The following ZNF827 variants were observed in gnomAD, a reference collection of about 807,000 sequenced individuals.
ZNF827 encodes zinc finger protein 827.
A neutral mutation model predicts 102.4 loss-of-function variants in ZNF827; 13 were observed. The ratio of observed to expected loss-of-function variants is 0.13; its 90% CI spans 0.08 to 0.20. The LOEUF (loss-of-function observed/expected upper bound fraction) is 0.20, where lower values mean the gene tolerates loss of function less well. Among genes scored for constraint, ZNF827 ranks in the 10% least tolerant of loss-of-function variants. The pLI is 1.00. For synonymous variants in ZNF827, 523 were observed against 536.2 expected (o/e 0.98, Z 0.34); for missense variants, 1,103 against 1,344.4 (o/e 0.82, Z 2.81).
chr4:145,822,306 C>T (rs564984448), intron 8 of ZNF827, among the ~76,000 whole-genome samples: 7 of 152,174 alleles, frequency 4.6e-5, no homozygotes, highest in Non-Finnish European at 8.8e-5. Context: ...CCTTATGAGA[C>T]TCAAGAATGA....
At chr4:145,776,919 G>A (rs1037376934) in intron 9 of ZNF827, among the ~76,000 whole-genome samples, 29 of 152,186 alleles carry the variant, frequency 1.9e-4, no homozygotes, top group Admixed American at 1.5e-3. Context: ...TTCTGAATTC[G>A]TTTGATTAAT....
intron 11 of ZNF827, among the ~76,000 whole-genome samples, chr4:145,768,916 T>TATATATATATATATATATATATATAA (rs34051922): frequency 1.2e-4 from 4 of 34,416 alleles, no homozygotes; most frequent in African/African-American, 3.1e-4. Flanking sequence ...TATATATATA[T>TATATATATATATATATATATATATAA]TAGGTATACA....
intron 9 of ZNF827, 98 bp from the exon 10 acceptor site, chr4:145,776,058 T>C (rs1737037574): frequency 7.3e-7 from 1 of 1,367,844 alleles, no homozygotes; most frequent in Non-Finnish European, 1.0e-6. Flanking sequence ...GAAAGAATGG[T>C]TCAAGTCATA....
In ZNF827 at chr4:145,902,236, TGGTGGTGGA is replaced by T. The variant is rs768993467; in HGVS notation, c.1014_1022del (p.Pro341_Pro343del). On this transcript the variant is annotated inframe_deletion, in exon 2 of 15. Coordinates refer to ENST00000508784, the MANE Select transcript of ZNF827 (RefSeq NM_001306215.2). This position sits in a 1 kb window ranked among gnomAD's most constrained non-coding sequence, Gnocchi z 4.3. ...ATAATAATTCCAGGGATTGTGGTGG[TGGTGGTGGA>T]GGTGGTGGAGGTGGCGGTGGAGGTG... 4.3e-5 allele frequency: 68 copies of T among 1,576,496 alleles called. No homozygotes were observed. Among genetic ancestry groups the T allele is most frequent in the Admixed American group, 2.8e-4 (16 of 57,888 alleles).
chr4:145,934,800 A>G (rs1330899506), intron 1 of ZNF827, among the ~76,000 whole-genome samples: 1 of 152,238 alleles, frequency 6.6e-6, no homozygotes, highest in Non-Finnish European at 1.5e-5. Context: ...GCAATGCTTT[A>G]TGCTGTAGAA....
chr4:145,838,314 G>A (rs1322505370), intron 7 of ZNF827, among the ~76,000 whole-genome samples: 1 of 151,878 alleles, frequency 6.6e-6, no homozygotes, highest in Non-Finnish European at 1.5e-5. Flanking sequence ...CCCCACTCCT[G>A]CCCGCCAGAG....
intron 1 of ZNF827, among the ~76,000 whole-genome samples, chr4:145,905,469 G>A (rs2126901453): frequency 6.6e-6 from 1 of 152,152 alleles, no homozygotes; most frequent in East Asian, 1.9e-4. Context: ...GGAATTTGCT[G>A]GGAAAAAAAG....
rs530902362 is a variant in ZNF827 at position 145,937,186 on chromosome 4, C to A, written c.43+1179G>T. 3.9e-5 allele frequency among the ~76,000 whole-genome samples: 6 copies of A among 151,908 alleles called. No individual in the cohort carries two copies. The South Asian group carries it at 1.0e-3, about 26-fold the overall frequency. ...GGAGTGGGGGAAAAGTTAAGAGTCG[C>A]GCAAAGAAAAGCCGGAGGGAGGGCG... On this transcript the variant is annotated intron_variant, in intron 1 of 14. Transcript: ENST00000508784.
chr4:145,873,545 G>C (rs796829901), intron 4 of ZNF827, among the ~76,000 whole-genome samples: 2 of 152,310 alleles, frequency 1.3e-5, no homozygotes, highest in African/African-American at 4.8e-5. Flanking sequence ...TTGAACTAGA[G>C]CATTACTAAA....
chr4:145,792,620 C>T (rs1433054695), intron 8 of ZNF827, among the ~76,000 whole-genome samples: 1 of 152,038 alleles, frequency 6.6e-6, no homozygotes, highest in African/African-American at 2.4e-5. Context: ...CCTCGAATTC[C>T]TGGGCTCGAG....
chr4:145,918,930 G>A (rs918171557), intron 1 of ZNF827, among the ~76,000 whole-genome samples: 1 of 152,144 alleles, frequency 6.6e-6, no homozygotes, highest in Non-Finnish European at 1.5e-5. Context: ...TCTTACTGGG[G>A]ACTAAGTGTC....
At chr4:145,908,377 C>T (rs142028855) in intron 1 of ZNF827, among the ~76,000 whole-genome samples, 135 of 152,296 alleles carry the variant, frequency 8.9e-4, no homozygotes, top group African/African-American at 3.2e-3. Flanking sequence ...TCACGGTCAA[C>T]TCTCTAACAA....
intron 1 of ZNF827, among the ~76,000 whole-genome samples, chr4:145,911,901 T>C (rs1391503284): frequency 6.6e-6 from 1 of 152,228 alleles, no homozygotes; most frequent in Non-Finnish European, 1.5e-5. Context: ...GGAGCTATGA[T>C]AGATGTTTTC....
intron 1 of ZNF827, 125 bp from the exon 2 acceptor site, chr4:145,903,340 C>T: frequency 6.9e-7 from 1 of 1,439,478 alleles, no homozygotes; most frequent in Non-Finnish European, 9.1e-7. Context: ...TGAAAGGTGG[C>T]AACAGCCTTA....
chr4:145,848,471 C>A (rs1206516307), intron 6 of ZNF827, among the ~76,000 whole-genome samples: 1 of 152,134 alleles, frequency 6.6e-6, no homozygotes, highest in East Asian at 1.9e-4. Flanking sequence ...AATGTGTTAT[C>A]CATAACAAAA....
rs186239486 is a variant in ZNF827, at chr4:145,826,935, T to C, written c.2280-3410A>G. On this transcript the variant is annotated intron_variant, in intron 7 of 14. Transcript: ENST00000508784. ...CTAATTTTTGTATTCTTAGTAGAGA[T>C]GGGATTTTGCCTTGTTGGCCAGGCT... 7.1e-3 allele frequency among the ~76,000 whole-genome samples: 1,074 copies of C among 152,160 alleles called. 28 individuals carry two copies. The highest frequency in any genetic ancestry group is 0.042 in the Admixed American group (646 of 15,270).
At chr4:145,874,091 T>G (rs1421150477) in intron 4 of ZNF827, among the ~76,000 whole-genome samples, 4 of 151,982 alleles carry the variant, frequency 2.6e-5, no homozygotes, top group Non-Finnish European at 5.9e-5. Flanking sequence ...AGATGCTTCC[T>G]GCACATGTAA....
chr4:145,855,123 A>C (rs951414074), intron 5 of ZNF827, among the ~76,000 whole-genome samples: 10 of 152,216 alleles, frequency 6.6e-5, no homozygotes, highest in African/African-American at 2.4e-4. Flanking sequence ...AGATTACAAC[A>C]AAATATGAAA....
intron 2 of ZNF827, among the ~76,000 whole-genome samples, chr4:145,899,540 G>C (rs1185084997): frequency 6.6e-6 from 1 of 152,178 alleles, no homozygotes; most frequent in East Asian, 1.9e-4. Context: ...ACTGAAAAGA[G>C]TGAGGGCATC....
Sources: allele counts gnomAD v4.1 joint callset (sites outside exome capture counted in the v4.1 genomes callset), GRCh38; gene constraint gnomAD v4.1.1; non-coding constraint Gnocchi (gnomAD v3.1); transcripts MANE v1.5; gene names NCBI Gene and HGNC (gene_info 2026-07-23, HGNC 2026-07-21).